Variants in PCDH15 observed in about 807,000 individuals in gnomAD.
PCDH15 encodes protocadherin related 15, also known as protocadherin-15.
In PCDH15, 129 loss-of-function variants were observed where a neutral mutation model predicts 178.5. That is an observed-to-expected ratio of 0.72 (90% confidence interval 0.63 to 0.84). PCDH15 has a LOEUF of 0.84. Ranked by LOEUF, PCDH15 falls within the 40% of genes least tolerant of loss-of-function variation. PCDH15 has a pLI of 0.00. For missense variants in PCDH15, 2,230 were observed against 2,099.9 expected (o/e 1.06, Z -1.21); for synonymous variants, 800 against 732.0 (o/e 1.09, Z -1.50).
chr10:54,359,183 G>T (rs575938189), intron 5 of PCDH15, among the ~76,000 whole-genome samples: 1 of 151,154 alleles, frequency 6.6e-6, no homozygotes, highest in South Asian at 2.1e-4. Flanking sequence ...CAAAACACAG[G>T]GAATTAAAAA....
chr10:55,427,039 G>A (rs771960457), intron 2 of PCDH15, among the ~76,000 whole-genome samples: 5 of 152,042 alleles, frequency 3.3e-5, no homozygotes, highest in Admixed American at 6.6e-5. Flanking sequence ...AGGAAAACAG[G>A]GATGTAAGTT....
chr10:54,531,317 AC>A (rs2083899076), intron 2 of PCDH15, among the ~76,000 whole-genome samples: 1 of 152,320 alleles, frequency 6.6e-6, no homozygotes, highest in East Asian at 1.9e-4. Flanking sequence ...AATACCAATA[AC>A]TGAATGCTCA....
intron 2 of PCDH15, among the ~76,000 whole-genome samples, chr10:54,530,982 C>G (rs899759386): frequency 6.6e-6 from 1 of 152,154 alleles, no homozygotes; most frequent in African/African-American, 2.4e-5. Context: ...TTAGAATTGT[C>G]TTGGAAAGAA....
chr10:53,955,697 C>T (rs1054715031), intron 23 of PCDH15, among the ~76,000 whole-genome samples: 5 of 152,052 alleles, frequency 3.3e-5, no homozygotes, highest in African/African-American at 1.2e-4. Flanking sequence ...TATATTTCCC[C>T]CAAATTTGAT....
intron 2 of PCDH15, among the ~76,000 whole-genome samples, chr10:55,043,687 G>A (rs940063207): frequency 2.6e-5 from 4 of 151,508 alleles, no homozygotes; most frequent in Non-Finnish European, 4.4e-5. Context: ...TCAAGCCTAG[G>A]TGACAAAGTG....
chr10:53,877,221 C>T (rs529253536), intron 26 of PCDH15, among the ~76,000 whole-genome samples: 6 of 151,642 alleles, frequency 4.0e-5, no homozygotes, highest in African/African-American at 1.2e-4. Context: ...TTGCTTTTTC[C>T]GTCATTATTG....
At chr10:55,221,307 A>G (rs1015534792) in intron 1 of PCDH15, among the ~76,000 whole-genome samples, 1 of 152,114 alleles carries the variant, frequency 6.6e-6, no homozygotes, top group Non-Finnish European at 1.5e-5. Context: ...TTGAATGTCT[A>G]GGCTTTAAAA....
At chr10:54,322,980 A>G (rs750631108) in intron 7 of PCDH15, among the ~76,000 whole-genome samples, 14 of 152,164 alleles carry the variant, frequency 9.2e-5, no homozygotes, top group Non-Finnish European at 1.0e-4. Context: ...AAGGTCTAAT[A>G]TTCAGAATCT....
At chr10:53,967,638 T>C (rs1295277782) in intron 21 of PCDH15, among the ~76,000 whole-genome samples, 1 of 152,222 alleles carries the variant, frequency 6.6e-6, no homozygotes, top group Admixed American at 6.5e-5. Context: ...GACAGAAGTC[T>C]CTTTTATATA....
At chr10:55,513,600 G>C (rs942994265) in intron 2 of PCDH15, among the ~76,000 whole-genome samples, 10 of 151,950 alleles carry the variant, frequency 6.6e-5, no homozygotes, top group Non-Finnish European at 1.2e-4. Context: ...TATATGTTGT[G>C]AAATTTAATC....
intron 2 of PCDH15, among the ~76,000 whole-genome samples, chr10:55,019,512 G>A (rs931951078): frequency 2.6e-5 from 4 of 151,868 alleles, no homozygotes; most frequent in African/African-American, 9.7e-5. Flanking sequence ...ACAACTCAGG[G>A]TCTAGACCTG....
chr10:55,517,494 T>C (rs2132159337), intron 2 of PCDH15, among the ~76,000 whole-genome samples: 1 of 152,254 alleles, frequency 6.6e-6, no homozygotes, highest in Middle Eastern at 3.4e-3. Flanking sequence ...TTCTACATTT[T>C]ACTAAAATTA....
chr10:54,052,992 TA>T (rs1330429849), intron 18 of PCDH15, among the ~76,000 whole-genome samples: 1 of 152,214 alleles, frequency 6.6e-6, no homozygotes, highest in African/African-American at 2.4e-5. Context: ...TCTTCCACCA[TA>T]ATTGCAAGAT....
chr10:55,047,770 T>C (rs1841048871), intron 2 of PCDH15, among the ~76,000 whole-genome samples: 1 of 151,908 alleles, frequency 6.6e-6, no homozygotes, highest in Non-Finnish European at 1.5e-5. Context: ...ATGGAATGTC[T>C]TCTGAACCTA....
intron 1 of PCDH15, among the ~76,000 whole-genome samples, chr10:55,260,964 T>C (rs1564943276): frequency 1.3e-5 from 2 of 152,156 alleles, no homozygotes; most frequent in African/African-American, 2.4e-5. Context: ...GTGAAATCCT[T>C]TGGGCTTGTT....
At chr10:54,371,775 C>A (rs180768991) in intron 4 of PCDH15, among the ~76,000 whole-genome samples, 2 of 151,862 alleles carry the variant, frequency 1.3e-5, no homozygotes, top group African/African-American at 4.8e-5. Flanking sequence ...TAAATTTATG[C>A]CTTCGCACTT....
At chr10:54,359,728 T>C (rs1945695127) in intron 5 of PCDH15, among the ~76,000 whole-genome samples, 1 of 151,970 alleles carries the variant, frequency 6.6e-6, no homozygotes, top group Non-Finnish European at 1.5e-5. Flanking sequence ...TGTTTTTCTG[T>C]GCTTTCATTT....
At chr10:54,240,327 GA>G (rs200204924) in intron 8 of PCDH15, among the ~76,000 whole-genome samples, 26 of 143,822 alleles carry the variant, frequency 1.8e-4, no homozygotes, top group East Asian at 6.0e-4. Flanking sequence ...AATGAAAAAG[GA>G]AAAAAAAAAG....
intron 2 of PCDH15, among the ~76,000 whole-genome samples, chr10:54,907,319 CTTCT>C (rs1044797808): frequency 6.6e-6 from 1 of 152,090 alleles, no homozygotes; most frequent in African/African-American, 2.4e-5. Flanking sequence ...GCATGTATTT[CTTCT>C]TTTTTATATT....
Sources: allele counts gnomAD v4.1 joint callset (sites outside exome capture counted in the v4.1 genomes callset), GRCh38; gene constraint gnomAD v4.1.1; transcripts MANE v1.5; gene names NCBI Gene and HGNC (gene_info 2026-07-23, HGNC 2026-07-21).